MIB1: variants seen among roughly 807,000 people sequenced by gnomAD.
The protein encoded by MIB1 is MIB E3 ubiquitin protein ligase 1.
Under a neutral mutation model 124.5 loss-of-function variants are expected in MIB1, and 278 were observed. That is an observed-to-expected ratio of 2.23 (90% CI 2.02 to 2.47). MIB1 has a LOEUF of 2.47. Ranked by LOEUF, MIB1 falls within the 30% of genes most tolerant of loss-of-function variation. The pLI, the probability that MIB1 is intolerant of heterozygous loss-of-function variation, is 0.00. For missense variants in MIB1, 957 were observed against 1,254.4 expected, an observed-to-expected ratio of 0.76 and a Z score of 3.58; for synonymous variants, 446 against 429.4, an observed-to-expected ratio of 1.04 and a Z score of -0.48.
chr18:21,744,167 CTAT>C (rs886760884), intron 1 of MIB1, among the ~76,000 whole-genome samples: 2 of 143,196 alleles, frequency 1.4e-5, no homozygotes, highest in African/African-American at 5.2e-5. Context: ...TGCCCCAGGA[CTAT>C]AATACTACTT....
chr18:21,716,548 G>A lies in MIB1; in HGVS notation n.167+11425G>A, dbSNP rs550880473. ...CTCAATACTAATGTTTAATGTAAAT[G>A]GCCTAAAAAATGCTCCACTTAGGCT... On this transcript the variant is annotated intron_variant and non_coding_transcript_variant, in intron 1 of 20. Transcript: ENST00000578646. 1.3e-3 allele frequency among the ~76,000 whole-genome samples: 191 copies of A among 152,268 alleles called. 3 individuals carry two copies. The highest frequency in any genetic ancestry group is 6.8e-3 in the Middle Eastern group (2 of 294).
intron 15 of MIB1, among the ~76,000 whole-genome samples, chr18:21,845,245 C>T (rs1047562863): frequency 5.9e-5 from 9 of 151,866 alleles, no homozygotes; most frequent in African/African-American, 1.9e-4. Flanking sequence ...CTCCTGACCT[C>T]GTGATCTGCC....
chr18:21,720,012 G>T (rs1467189746), intron 1 of MIB1, among the ~76,000 whole-genome samples: 1 of 152,084 alleles, frequency 6.6e-6, no homozygotes, highest in Non-Finnish European at 1.5e-5. Flanking sequence ...AAGACGTTTT[G>T]CAGAAAACTT....
chr18:21,784,608 T>C (rs1471034573), intron 6 of MIB1, among the ~76,000 whole-genome samples: 1 of 152,208 alleles, frequency 6.6e-6, no homozygotes, highest in Non-Finnish European at 1.5e-5. Flanking sequence ...TATTCCAGTA[T>C]TGTAATAATC....
chr18:21,812,800 G>A (rs1191318802), intron 10 of MIB1, among the ~76,000 whole-genome samples: 1 of 152,154 alleles, frequency 6.6e-6, no homozygotes, highest in East Asian at 1.9e-4. Flanking sequence ...GAGGTTAGCT[G>A]TAACCTTGTT....
intron 13 of MIB1, among the ~76,000 whole-genome samples, chr18:21,839,034 G>A (rs1318935521): frequency 2.0e-5 from 3 of 152,146 alleles, no homozygotes; most frequent in Admixed American, 6.5e-5. Context: ...TTTGGGAGGA[G>A]CCTATTTTGT....
Position 21,819,620 on chromosome 18 carries a change from T to TC in MIB1, c.1804dup (p.His602ProfsTer17). 1 of 1,606,852 alleles carries TC rather than the reference T, an allele frequency of 6.2e-7. No individual in the cohort carries two copies. Among genetic ancestry groups the TC allele is most frequent in the Non-Finnish European group, 8.5e-7 (1 of 1,176,676 alleles). ...ACAATAATGGATTTAATGCTCTGCA[T>TC]CATGCTGCACTAAGGGGAAATCCCA... On this transcript the variant is annotated frameshift_variant, in exon 12 of 21. Transcript: ENST00000261537. LOFTEE classifies it high-confidence loss of function.
chr18:21,827,626 T>C (rs1398749735), intron 12 of MIB1: 1 of 152,068 alleles, frequency 6.6e-6, no homozygotes, highest in Non-Finnish European at 1.5e-5. Context: ...TTGTGGATGA[T>C]CAGAAGGGCT....
rs145512217 is a variant in MIB1 at position 21,749,898 on chromosome 18, T to C, written c.229+8086T>C. On this transcript the variant is annotated intron_variant, in intron 1 of 20. Transcript: ENST00000261537. ...CTCAGGTGATCCACCCACCTCAGCT[T>C]TCCAAAGTGCTGGGATTACAGGCAT... 7.5e-4 allele frequency among the ~76,000 whole-genome samples: 114 copies of C among 152,180 alleles called. 1 individual carries two copies. In the East Asian group the frequency reaches 0.016, roughly 22 times the overall value.
intron 10 of MIB1, among the ~76,000 whole-genome samples, chr18:21,811,432 C>G (rs1195747459): frequency 6.6e-6 from 1 of 152,146 alleles, no homozygotes; most frequent in African/African-American, 2.4e-5. Flanking sequence ...TTTTTAGCAG[C>G]AGCATTCGTA....
At chr18:21,842,116 A>AAAAAAAAAG (rs1555695873) in intron 13 of MIB1, among the ~76,000 whole-genome samples, 1 of 121,136 alleles carries the variant, frequency 8.3e-6, no homozygotes, top group African/African-American at 3.3e-5. Flanking sequence ...AAAAAAAAAA[A>AAAAAAAAAG]AAGAAGAAAA....
At chr18:21,816,141 A>G (rs1247865515) in intron 11 of MIB1, among the ~76,000 whole-genome samples, 5 of 152,218 alleles carry the variant, frequency 3.3e-5, no homozygotes, top group African/African-American at 9.6e-5. Flanking sequence ...ATATTTCATA[A>G]TAGTTACTTC....
chr18:21,738,864 A>C (rs1196705973), upstream of MIB1, among the ~76,000 whole-genome samples: 4 of 141,292 alleles, frequency 2.8e-5, no homozygotes, highest in Admixed American at 7.3e-5. Flanking sequence ...AAAAAAAAAA[A>C]AAACCAACAA....
At chr18:21,863,432 A>C (rs1399921559) in intron 20 of MIB1, among the ~76,000 whole-genome samples, 1 of 152,148 alleles carries the variant, frequency 6.6e-6, no homozygotes, top group African/African-American at 2.4e-5. Flanking sequence ...GAAGGCAGAG[A>C]GTTTTATTAA....
chr18:21,810,751 C>G (rs545247797), intron 10 of MIB1, among the ~76,000 whole-genome samples: 1 of 151,814 alleles, frequency 6.6e-6, no homozygotes, highest in Admixed American at 6.6e-5. Flanking sequence ...CCTGAAAGAT[C>G]TAAAAGTGCG....
rs375106753 is a variant in MIB1 at position 21,844,284 on chromosome 18, A to G, written c.2211+31A>G. The G allele has an allele frequency of 1.4e-5, 23 of 1,606,380 alleles. No homozygotes were observed. The African/African-American group carries it at 2.1e-4, about 15-fold the overall frequency. On this transcript the variant is annotated intron_variant, in intron 15 of 20. Transcript: ENST00000261537. ...TAAAGATCATCTTTCATTCAGTACC[A>G]GTGGAAGAATCTTTTCATGCAAGAT...
At chr18:21,723,813 T>C (rs1344878701) in intron 1 of MIB1, among the ~76,000 whole-genome samples, 1 of 151,830 alleles carries the variant, frequency 6.6e-6, no homozygotes, top group African/African-American at 2.4e-5. Flanking sequence ...TGTGCCCGGC[T>C]ATAATTGTTT....
At chr18:21,816,330 A>G (rs11874544) in intron 11 of MIB1, among the ~76,000 whole-genome samples, 13,763 of 152,180 alleles carry the variant, frequency 0.09, 688 homozygotes, top group Middle Eastern at 0.14. Flanking sequence ...CCCCAGCTAC[A>G]GTTTTATAAC....
chr18:21,812,873 T>C (rs572171532), intron 10 of MIB1, among the ~76,000 whole-genome samples: 50 of 152,314 alleles, frequency 3.3e-4, no homozygotes, highest in African/African-American at 1.2e-3. Context: ...TTAGGTTTAT[T>C]TGGAGTATTT....
Sources: gnomAD v4.1 joint callset for allele counts (sites outside exome capture counted in the v4.1 genomes callset) on GRCh38, gnomAD v4.1.1 for gene constraint, MANE v1.5 for transcripts, NCBI Gene and HGNC (gene_info 2026-07-23, HGNC 2026-07-21) for gene names.